The following BEAN1 variants were observed in gnomAD, a reference collection of about 807,000 sequenced individuals.
BEAN1 encodes protein BEAN1.
In BEAN1, 17 loss-of-function variants were observed where a neutral mutation model predicts 17.7. The ratio of observed to expected loss-of-function variants is 0.96; its 90% CI spans 0.66 to 1.44. BEAN1 has a LOEUF of 1.44. Among genes scored for constraint, BEAN1 ranks in the 40% most tolerant of loss-of-function variants. The pLI, the probability that BEAN1 is intolerant of heterozygous loss-of-function variation, is 0.00. For synonymous variants in BEAN1, 142 were observed against 151.8 expected (o/e 0.94, Z 0.47); for missense variants, 359 against 374.1 (o/e 0.96, Z 0.33).
At chr16:66,488,335 G>A (rs550226907) in intron 4 of BEAN1, among the ~76,000 whole-genome samples, 9 of 152,094 alleles carry the variant, frequency 5.9e-5, no homozygotes, top group South Asian at 4.2e-4. Flanking sequence ...GCCTGGGGTC[G>A]AAGAATGAGA....
At chr16:66,445,327 T>A (rs2142390507) in intron 2 of BEAN1, among the ~76,000 whole-genome samples, 1 of 150,152 alleles carries the variant, frequency 6.7e-6, no homozygotes, top group African/African-American at 2.5e-5. Context: ...ATACAAAAAA[T>A]TAGCCGGGCG....
chr16:66,477,539 C>A, intron 3 of BEAN1, 21 bp from the exon 4 acceptor site: 1 of 1,518,918 alleles, frequency 6.6e-7, no homozygotes, highest in Non-Finnish European at 8.8e-7. Flanking sequence ...GAGGCCCAGG[C>A]CGGTGGTCTG....
intron 2 of BEAN1, among the ~76,000 whole-genome samples, chr16:66,468,730 C>T (rs530308546): frequency 3.9e-5 from 6 of 152,324 alleles, no homozygotes; most frequent in South Asian, 2.1e-4. Flanking sequence ...CTCACTAATG[C>T]GGAGCTGACT....
chr16:66,453,237 T>C (rs1221562433), intron 2 of BEAN1, among the ~76,000 whole-genome samples: 1 of 152,122 alleles, frequency 6.6e-6, no homozygotes, highest in Non-Finnish European at 1.5e-5. Context: ...TTTCCTTTCT[T>C]CTTTTCTAAT....
rs556807529 is a variant in BEAN1 at position 66,464,225 on chromosome 16, T to C, written c.26-5377T>C. Reference sequence around the variant, plus strand: ...AATCTTCAGATGAATTTGGGGAGTATTGTCATCTTAACAATATTTAGTCTT... The same window carrying C: ...AATCTTCAGATGAATTTGGGGAGTACTGTCATCTTAACAATATTTAGTCTT... On this transcript the variant is annotated intron_variant, in intron 2 of 4. Transcript: ENST00000536005. 3.9e-5 allele frequency among the ~76,000 whole-genome samples: 6 copies of C among 152,348 alleles called. No individual in the cohort carries two copies. In the East Asian group the frequency reaches 9.6e-4, roughly 24 times the overall value.
chr16:66,480,867 C>T lies in BEAN1; in HGVS notation c.722C>T (p.Ser241Phe), dbSNP rs1441233792. 6.7e-7 allele frequency: 1 copy of T among 1,490,756 alleles called. No homozygotes were observed. Among genetic ancestry groups the T allele is most frequent in the East Asian group, 2.5e-5 (1 of 40,052 alleles). 92.3% of individuals were successfully genotyped at this position (1,490,756 alleles called of 1,614,324 possible). ...LPGPDPGPRG[S>F]QGSPTPTRAP... ...GGCCCAGACCCAGGGCCAAGGGGCT[C>T]CCAGGGCTCACCCACCCCAACCCGG... Residue 241 changes from serine (S) to phenylalanine (F), a missense_variant, in exon 5 of 5, where the codon TCC becomes TTC. Ser to Phe is a radical substitution (Grantham distance 155). Coordinates refer to ENST00000536005, the MANE Select transcript of BEAN1 (RefSeq NM_001178020.3).
At chr16:66,468,122 A>C (rs1045967383) in intron 2 of BEAN1, among the ~76,000 whole-genome samples, 8 of 152,150 alleles carry the variant, frequency 5.3e-5, no homozygotes, top group Admixed American at 5.2e-4. Flanking sequence ...CTCCTTGATT[A>C]CCACCCAAGA....
downstream of BEAN1, among the ~76,000 whole-genome samples, chr16:66,494,328 G>A (rs1257956564): frequency 2.0e-5 from 3 of 152,110 alleles, no homozygotes; most frequent in South Asian, 2.1e-4. Context: ...CCCTGCCATC[G>A]ATGGCTTGTG....
intron 3 of BEAN1, among the ~76,000 whole-genome samples, chr16:66,472,619 G>A (rs754595444): frequency 6.6e-5 from 10 of 152,128 alleles, no homozygotes; most frequent in Admixed American, 2.6e-4. Context: ...TACAAGAATC[G>A]CTTGAACCTG....
chr16:66,453,215 G>A (rs1470220081), intron 2 of BEAN1, among the ~76,000 whole-genome samples: 1 of 151,798 alleles, frequency 6.6e-6, no homozygotes, highest in Non-Finnish European at 1.5e-5. Flanking sequence ...TTCAAGTCGA[G>A]GCCTTTCTTC....
At position 66,428,270 on chromosome 16, in the gene BEAN1, C is replaced by G. The variant is rs147801147; in HGVS notation, c.-83+839C>G. The G allele has an allele frequency of 3.3e-3, 497 of 152,638 alleles. 3 individuals are homozygous for G. In the Middle Eastern group the frequency reaches 0.054, roughly 16 times the overall value. The allele number at this position is 152,638 out of a possible 1,614,324, so 9.5% of individuals were successfully genotyped here. On this transcript the variant is annotated intron_variant, in intron 1 of 4. Coordinates refer to ENST00000536005, the MANE Select transcript of BEAN1 (RefSeq NM_001178020.3). Reference sequence around the variant, plus strand: ...GAGAGCGGTGAGGACCAGGGACTGCCCTGTCCATCTCGGGCGGGTGCCGGC... The same window carrying G: ...GAGAGCGGTGAGGACCAGGGACTGCGCTGTCCATCTCGGGCGGGTGCCGGC...
At chr16:66,431,191 C>T (rs1410312004) in intron 1 of BEAN1, among the ~76,000 whole-genome samples, 1 of 152,214 alleles carries the variant, frequency 6.6e-6, no homozygotes, top group Non-Finnish European at 1.5e-5. Flanking sequence ...AACACCCCGG[C>T]ATGGTGGCAC....
Position 66,437,590 on chromosome 16 carries a change from C to T in BEAN1, c.-82-5C>T, listed in dbSNP as rs879033621. 7.6e-6 allele frequency: 11 copies of T among 1,441,930 alleles called. No individual in the cohort carries two copies. Among genetic ancestry groups the T allele is most frequent in the East Asian group, 5.0e-5 (2 of 40,308 alleles). The allele number at this position is 1,441,930 out of a possible 1,614,324, so 89.3% of individuals were successfully genotyped here. On this transcript the variant is annotated splice_region_variant and splice_polypyrimidine_tract_variant and intron_variant, in intron 1 of 4. Coordinates refer to ENST00000536005, the MANE Select transcript of BEAN1 (RefSeq NM_001178020.3). ...CCCAACACCTGCCTGTTTGTGTCTC[C>T]GCAGGTGAGTGGAGGGGCCTTCCCT... is the stretch of plus-strand genomic sequence containing the variant.
intron 2 of BEAN1, among the ~76,000 whole-genome samples, chr16:66,444,266 T>A (rs1037756115): frequency 6.6e-6 from 1 of 152,168 alleles, no homozygotes; most frequent in South Asian, 2.1e-4. Flanking sequence ...ACTTAGATTT[T>A]CCCCAATCTG....
At position 66,434,178 on chromosome 16, in the gene BEAN1, G is replaced by A. The variant is rs1433862263; in HGVS notation, c.-82-3417G>A. On this transcript the variant is annotated intron_variant, in intron 1 of 4. Transcript: ENST00000536005. The surrounding 1 kb of genome is among the most constrained non-coding windows in gnomAD (Gnocchi z 4.3). Reference sequence around the variant, plus strand: ...GGCGGGCAGGGGAAGAGGTGACCACGCTTGGCCTAGCAGCTGGGGTGGGCC... The same window carrying A: ...GGCGGGCAGGGGAAGAGGTGACCACACTTGGCCTAGCAGCTGGGGTGGGCC... Among the ~76,000 whole-genome samples the A allele has an allele frequency of 6.6e-6, 1 of 152,268 alleles. No individual in the cohort carries two copies. The highest frequency in any genetic ancestry group is 2.4e-5 in the African/African-American group (1 of 41,566).
intron 1 of BEAN1, among the ~76,000 whole-genome samples, chr16:66,431,678 G>A (rs1043739906): frequency 2.0e-5 from 3 of 151,108 alleles, no homozygotes; most frequent in African/African-American, 7.3e-5. Context: ...TTGTGTGTGT[G>A]TGTTTTAAAA....
chr16:66,476,009 C>G (rs1267772855), intron 3 of BEAN1: 1 of 151,308 alleles, frequency 6.6e-6, no homozygotes, highest in Non-Finnish European at 1.5e-5. Flanking sequence ...ACTCGGGAGG[C>G]TGAGGCAGGA....
At position 66,480,812 on chromosome 16, in the gene BEAN1, G is replaced by T; in HGVS notation, c.667G>T (p.Gly223Cys). The stretch of plus-strand genomic sequence containing the variant: ...CCCCTACGAGGCTGTGTGCGGGGCT[G>T]GCCCCCCATCAGGCCTGCTGCCACT... Reference protein sequence around the residue: ...LPPYEAVCGAGPPSGLLPLPG... With the variant: ...LPPYEAVCGACPPSGLLPLPG... The change falls in exon 5 of 5, where the codon GGC (glycine) becomes TGC (cysteine). Residue 223 changes from glycine to cysteine, a missense_variant. Gly to Cys is a radical substitution (Grantham distance 159). Coordinates refer to ENST00000536005, the MANE Select transcript of BEAN1 (RefSeq NM_001178020.3). 1.9e-6 allele frequency: 3 copies of T among 1,542,542 alleles called. No homozygotes were observed. Among genetic ancestry groups the T allele is most frequent in the Non-Finnish European group, 2.6e-6 (3 of 1,141,740 alleles).
rs1567505059 is a variant in BEAN1 at position 66,474,593 on chromosome 16, G to GAA, written c.290-2967_290-2966insAA. Among the ~76,000 whole-genome samples, 7 of 17,010 alleles carry GAA rather than the reference G, an allele frequency of 4.1e-4. No individual in the cohort carries two copies. In the East Asian group the frequency reaches 0.021, roughly 52 times the overall value. The allele number at this position is 17,010 out of a possible 152,430, so 11.2% of individuals were successfully genotyped here. On this transcript the variant is annotated intron_variant, in intron 3 of 4. Transcript: ENST00000536005. ...GAGAGGGAGGGAGAGAGGGAGGGAGGGAGGGAGGGAGAGAGGGAGGGAGGA... is the reference window on the plus strand; with the variant it reads ...GAGAGGGAGGGAGAGAGGGAGGGAGGAAGAGGGAGGGAGAGAGGGAGGGAGGA...
Sources: gnomAD v4.1 joint callset for allele counts (sites outside exome capture counted in the v4.1 genomes callset) on GRCh38, gnomAD v4.1.1 for gene constraint, Gnocchi (gnomAD v3.1) non-coding constraint, MANE v1.5 for transcripts, NCBI Gene and HGNC (gene_info 2026-07-23, HGNC 2026-07-21) for gene names.